HHAT: variants seen among roughly 807,000 people sequenced by gnomAD.
The protein encoded by HHAT is hedgehog acyltransferase, also known as protein-cysteine N-palmitoyltransferase HHAT.
Under a neutral mutation model 70.8 loss-of-function variants are expected in HHAT, and 47 were observed. The ratio of observed to expected loss-of-function variants is 0.66; its 90% CI spans 0.53 to 0.85. HHAT has a LOEUF of 0.85. Ranked by LOEUF, HHAT falls within the 40% of genes least tolerant of loss-of-function variation. The pLI, the probability that HHAT is intolerant of heterozygous loss-of-function variation, is 0.00. For missense variants in HHAT, 609 were observed against 604.8 expected (o/e 1.01, Z -0.07); for synonymous variants, 228 against 247.6 (o/e 0.92, Z 0.74).
intron 9 of HHAT, among the ~76,000 whole-genome samples, chr1:210,581,413 A>G (rs948350197): frequency 6.6e-6 from 1 of 152,218 alleles, no homozygotes; most frequent in African/African-American, 2.4e-5. Flanking sequence ...TGCCCATGAG[A>G]GCTGGGCTCA....
At chr1:210,406,590 T>C (rs892546468) in intron 6 of HHAT, among the ~76,000 whole-genome samples, 6 of 152,060 alleles carry the variant, frequency 3.9e-5, no homozygotes, top group African/African-American at 1.4e-4. Context: ...GACCGGGTTT[T>C]GCTATGTTTC....
At chr1:210,469,953 G>A (rs931928342) in intron 8 of HHAT, among the ~76,000 whole-genome samples, 21 of 152,130 alleles carry the variant, frequency 1.4e-4, no homozygotes, top group African/African-American at 3.4e-4. Context: ...TTTAAGTTCC[G>A]CATGCATTAG....
chr1:210,639,254 A>C, intron 11 of HHAT, among the ~76,000 whole-genome samples: 1 of 151,262 alleles, frequency 6.6e-6, no homozygotes, highest in Non-Finnish European at 1.5e-5. Context: ...TTCCTCCCTC[A>C]CTCTGTCAAT....
At chr1:210,579,299 GTCAAAC>G (rs1282266599) in intron 9 of HHAT, among the ~76,000 whole-genome samples, 1 of 152,082 alleles carries the variant, frequency 6.6e-6, no homozygotes, top group Non-Finnish European at 1.5e-5. Context: ...TTAAAAAATA[GTCAAAC>G]TCATAGAAGC....
intron 7 of HHAT, among the ~76,000 whole-genome samples, chr1:210,460,775 T>C (rs566681355): frequency 6.6e-6 from 1 of 152,260 alleles, no homozygotes; most frequent in South Asian, 2.1e-4. Context: ...AAGAAAATAC[T>C]GTGTGGTAAA....
chr1:210,397,770 A>G (rs1025661528), intron 4 of HHAT, among the ~76,000 whole-genome samples: 1 of 152,202 alleles, frequency 6.6e-6, no homozygotes, highest in African/African-American at 2.4e-5. Flanking sequence ...TGCTGCCCAA[A>G]GAAGCAGGCC....
intron 4 of HHAT, among the ~76,000 whole-genome samples, chr1:210,393,879 C>G (rs1245543684): frequency 6.6e-6 from 1 of 152,138 alleles, no homozygotes; most frequent in Non-Finnish European, 1.5e-5. Context: ...TTTGCTTGGC[C>G]CTTACATAAG....
chr1:210,660,969 A>T lies in HHAT; in HGVS notation c.1391-13319A>T, dbSNP rs371967077. On this transcript the variant is annotated intron_variant, in intron 11 of 11. Coordinates refer to ENST00000261458, the MANE Select transcript of HHAT (RefSeq NM_018194.6). ...CCCAAAACCATTAAAAAACCCTAGA[A>T]GAAAACCTAGGCAATACCATTCAGG... Among the ~76,000 whole-genome samples the T allele has an allele frequency of 5.3e-5, 8 of 152,336 alleles. No individual in the cohort carries two copies. In the South Asian group the frequency reaches 1.2e-3, roughly 24 times the overall value.
At chr1:210,400,151 A>C (rs1240369179) in intron 4 of HHAT, among the ~76,000 whole-genome samples, 1 of 151,996 alleles carries the variant, frequency 6.6e-6, no homozygotes, top group Non-Finnish European at 1.5e-5. Flanking sequence ...TGTCTGTTGA[A>C]AAGTCAATCC....
At chr1:210,395,631 A>G (rs2091739390) in intron 4 of HHAT, among the ~76,000 whole-genome samples, 1 of 152,202 alleles carries the variant, frequency 6.6e-6, no homozygotes, top group Non-Finnish European at 1.5e-5. Context: ...AACAGGTAAT[A>G]GGCAGTGAGA....
chr1:210,425,984 T>C (rs889738053), intron 7 of HHAT, among the ~76,000 whole-genome samples: 2 of 152,236 alleles, frequency 1.3e-5, no homozygotes. Context: ...GCATGGAATG[T>C]TCTTCCATTT....
intron 8 of HHAT, among the ~76,000 whole-genome samples, chr1:210,508,882 C>T (rs1313197360): frequency 6.6e-6 from 1 of 152,166 alleles, no homozygotes; most frequent in Non-Finnish European, 1.5e-5. Flanking sequence ...TGCTTTTTAT[C>T]TTTCATTTTT....
chr1:210,455,906 G>T (rs1206422899), intron 7 of HHAT, among the ~76,000 whole-genome samples: 1 of 152,108 alleles, frequency 6.6e-6, no homozygotes, highest in African/African-American at 2.4e-5. Flanking sequence ...CATGGATATT[G>T]GTAAATAATA....
At chr1:210,357,298 G>T (rs2087742437) in intron 2 of HHAT, among the ~76,000 whole-genome samples, 2 of 152,266 alleles carry the variant, frequency 1.3e-5, no homozygotes, top group South Asian at 4.2e-4. Flanking sequence ...GCAGAAGCAG[G>T]AAAGTTACTC....
intron 11 of HHAT, among the ~76,000 whole-genome samples, chr1:210,668,848 A>T (rs1264552102): frequency 6.6e-6 from 1 of 152,068 alleles, no homozygotes; most frequent in African/African-American, 2.4e-5. Flanking sequence ...ATCTCAGCTC[A>T]CTGCAACCTC....
At chr1:210,487,206 G>A (rs1375012949) in intron 8 of HHAT, among the ~76,000 whole-genome samples, 2 of 152,188 alleles carry the variant, frequency 1.3e-5, no homozygotes, top group African/African-American at 4.8e-5. Flanking sequence ...TGTGGACAGA[G>A]TGAGGAGCTC....
At chr1:210,516,452 T>C (rs10863839) in intron 9 of HHAT, among the ~76,000 whole-genome samples, 111,239 of 151,932 alleles carry the variant, frequency 0.73, 40,900 homozygotes, top group Middle Eastern at 0.77. Context: ...GGGGAGTGAG[T>C]GGTCCCTTAG....
chr1:210,522,045 T>C (rs559164483), intron 9 of HHAT, among the ~76,000 whole-genome samples: 2 of 152,348 alleles, frequency 1.3e-5, no homozygotes, highest in South Asian at 4.1e-4. Flanking sequence ...CTTTGTTATG[T>C]AGGATTTTAA....
At chr1:210,401,302 T>TG (rs2092061049) in intron 5 of HHAT, among the ~76,000 whole-genome samples, 1 of 152,134 alleles carries the variant, frequency 6.6e-6, no homozygotes, top group Non-Finnish European at 1.5e-5. Context: ...TTAGTAGAGA[T>TG]GGGGTTTCAC....
Sources: gnomAD v4.1 joint callset for allele counts (sites outside exome capture counted in the v4.1 genomes callset) on GRCh38, gnomAD v4.1.1 for gene constraint, MANE v1.5 for transcripts, NCBI Gene and HGNC (gene_info 2026-07-23, HGNC 2026-07-21) for gene names.